The following FOCAD variants were observed in gnomAD, a reference collection of about 807,000 sequenced individuals.
The protein encoded by FOCAD is KIAA1797.
In FOCAD, 198 loss-of-function variants were observed where a neutral mutation model predicts 225.6. That is an observed-to-expected ratio of 0.88 (90% CI 0.78 to 0.99). The LOEUF (loss-of-function observed/expected upper bound fraction) is 0.99. Ranked by LOEUF, FOCAD falls within the 50% of genes least tolerant of loss-of-function variation. The pLI is 0.00. For missense variants in FOCAD, 2,713 were observed against 2,123.6 expected, an observed-to-expected ratio of 1.28 and a Z score of -5.46; for synonymous variants, 897 against 755.0, an observed-to-expected ratio of 1.19 and a Z score of -3.08.
intron 8 of FOCAD, among the ~76,000 whole-genome samples, chr9:20,774,064 C>A (rs576151534): frequency 6.6e-6 from 1 of 152,190 alleles, no homozygotes; most frequent in Non-Finnish European, 1.5e-5. Context: ...TGCGAGGGAT[C>A]TAGGTTGTGT....
chr9:20,742,081 C>G (rs2131674259), intron 5 of FOCAD, among the ~76,000 whole-genome samples: 1 of 152,296 alleles, frequency 6.6e-6, no homozygotes, highest in Non-Finnish European at 1.5e-5. Flanking sequence ...TTCATCATCT[C>G]CAAAGAAATT....
Position 20,755,036 on chromosome 9 carries a change from G to A in FOCAD, c.393-3054G>A, listed in dbSNP as rs532841386. On this transcript the variant is annotated intron_variant, in intron 5 of 43. Transcript: ENST00000338382. ...ATTGTGGCAGTTATAATTGATTATA[G>A]GTTAGTATACTTAGTTGAAATGGTA... Among the ~76,000 whole-genome samples, 14 of 152,234 alleles carry A rather than the reference G, an allele frequency of 9.2e-5. 1 individual carries two copies. The South Asian group carries it at 2.5e-3, about 27-fold the overall frequency.
intron 2 of FOCAD, among the ~76,000 whole-genome samples, chr9:20,675,267 A>G (rs779564556): frequency 6.6e-5 from 10 of 152,144 alleles, no homozygotes; most frequent in Non-Finnish European, 1.5e-4. Flanking sequence ...TGATCACCTA[A>G]TTTTAGAATG....
chr9:20,755,330 A>C (rs1327290179), intron 5 of FOCAD, among the ~76,000 whole-genome samples: 2 of 152,246 alleles, frequency 1.3e-5, no homozygotes, highest in Admixed American at 1.3e-4. Flanking sequence ...AAATCTGCTG[A>C]ATCCAATAGC....
intron 2 of FOCAD, among the ~76,000 whole-genome samples, chr9:20,716,412 A>G (rs1281254270): frequency 1.1e-4 from 16 of 152,132 alleles, no homozygotes; most frequent in Non-Finnish European, 1.5e-5. Flanking sequence ...TTAAGTAGCA[A>G]TGTAGGCTGA....
chr9:20,774,814 C>T (rs986737264), intron 8 of FOCAD, among the ~76,000 whole-genome samples: 3 of 152,148 alleles, frequency 2.0e-5, no homozygotes, highest in Non-Finnish European at 4.4e-5. Context: ...TTATGTCTCT[C>T]ATTTGCCCAA....
intron 35 of FOCAD, among the ~76,000 whole-genome samples, chr9:20,964,238 A>G (rs1293488051): frequency 6.6e-6 from 1 of 151,904 alleles, no homozygotes; most frequent in Non-Finnish European, 1.5e-5. Context: ...ATGGTGGTGC[A>G]CACCTGCAGT....
At chr9:20,954,755 A>G (rs905988104) in intron 35 of FOCAD, among the ~76,000 whole-genome samples, 10 of 152,326 alleles carry the variant, frequency 6.6e-5, no homozygotes, top group African/African-American at 2.4e-4. Flanking sequence ...TGGCATTTTC[A>G]GGTTGTGGGA....
chr9:20,727,452 G>A (rs1180444725), intron 4 of FOCAD, among the ~76,000 whole-genome samples: 1 of 152,106 alleles, frequency 6.6e-6, no homozygotes, highest in Non-Finnish European at 1.5e-5. Flanking sequence ...GCCATTTTTG[G>A]TACATGGAAG....
chr9:20,890,104 A>G (rs1189843678), intron 21 of FOCAD, among the ~76,000 whole-genome samples: 1 of 151,366 alleles, frequency 6.6e-6, no homozygotes, highest in African/African-American at 2.4e-5. Flanking sequence ...TTTGTTTTTC[A>G]CTGTAATGTT....
At chr9:20,814,593 G>A (rs1402857273) in intron 11 of FOCAD, among the ~76,000 whole-genome samples, 1 of 152,002 alleles carries the variant, frequency 6.6e-6, no homozygotes, top group Admixed American at 6.6e-5. Flanking sequence ...CTGCCCTCAA[G>A]TGATCCATCC....
chr9:20,883,256 A>G (rs1304263437), intron 20 of FOCAD, among the ~76,000 whole-genome samples: 1 of 152,224 alleles, frequency 6.6e-6, no homozygotes. Context: ...TTCAAAATAT[A>G]TGACAAAAAT....
intron 1 of FOCAD, chr9:20,694,621 T>A (rs1274149047): frequency 2.0e-5 from 3 of 152,204 alleles, no homozygotes; most frequent in African/African-American, 4.8e-5. Flanking sequence ...GTTACTTTTT[T>A]AAAATTTTCT....
chr9:20,922,098 T>C (rs1400611018), intron 24 of FOCAD, among the ~76,000 whole-genome samples: 1 of 152,232 alleles, frequency 6.6e-6, no homozygotes, highest in East Asian at 1.9e-4. Flanking sequence ...AATTTTGTTT[T>C]TGTTAAATGA....
intron 1 of FOCAD, among the ~76,000 whole-genome samples, chr9:20,692,656 A>G (rs373699777): frequency 1.3e-5 from 2 of 152,178 alleles, no homozygotes; most frequent in East Asian, 3.8e-4. Context: ...GAGATGGCTT[A>G]TCTCTGCTCT....
chr9:20,704,235 C>T (rs1399717163), intron 1 of FOCAD, among the ~76,000 whole-genome samples: 2 of 152,138 alleles, frequency 1.3e-5, no homozygotes, highest in African/African-American at 4.8e-5. Context: ...GAGATACTCT[C>T]CATGTCCATT....
chr9:20,701,067 A>T (rs748711011), intron 1 of FOCAD, among the ~76,000 whole-genome samples: 1 of 152,190 alleles, frequency 6.6e-6, no homozygotes, highest in Non-Finnish European at 1.5e-5. Context: ...TGTCTTGAGG[A>T]GTGATTATAA....
At chr9:20,979,728 A>G (rs1262398496) in intron 37 of FOCAD, among the ~76,000 whole-genome samples, 1 of 152,152 alleles carries the variant, frequency 6.6e-6, no homozygotes, top group Non-Finnish European at 1.5e-5. Context: ...TCTGTCAGGT[A>G]TTAACTTCAT....
rs539231126 is a variant in FOCAD, at chr9:20,679,121, A to ATGTGTGTGTGTGTG, written c.-77-15361_-77-15348dup. ...CAAAGGGGCAACAGACAGTCTGTGT[A>ATGTGTGTGTGTGTG]TGTGTGTGTGTGTGTGTGTGTGTGT... On this transcript the variant is annotated intron_variant, in intron 2 of 45. Coordinates refer to the FOCAD transcript ENST00000380249. 6.9e-4 allele frequency among the ~76,000 whole-genome samples: 84 copies of ATGTGTGTGTGTGTG among 122,040 alleles called. 3 individuals carry two copies. The highest frequency in any genetic ancestry group is 1.3e-3 in the Admixed American group (16 of 11,882). The allele number at this position is 122,040 out of a possible 152,430, so 80.1% of individuals were successfully genotyped here. A position where few individuals can be genotyped will look rare whatever the true frequency, so the allele number is the denominator to read the frequency against.
Sources: allele counts gnomAD v4.1 joint callset (sites outside exome capture counted in the v4.1 genomes callset), GRCh38; gene constraint gnomAD v4.1.1; transcripts MANE v1.5; gene names NCBI Gene and HGNC (gene_info 2026-07-23, HGNC 2026-07-21).